Variants in GALNT8 observed in about 807,000 individuals in gnomAD.
The protein encoded by GALNT8 is polypeptide N-acetylgalactosaminyltransferase 8.
A neutral mutation model predicts 62.7 loss-of-function variants in GALNT8; 66 were observed. That is an observed-to-expected ratio of 1.05 (90% CI 0.86 to 1.29). The LOEUF (loss-of-function observed/expected upper bound fraction) is 1.29, where lower values mean the gene tolerates loss of function less well. GALNT8 is among the 50% of genes most tolerant of loss of function. GALNT8 has a pLI of 0.00. For synonymous variants in GALNT8, 288 were observed against 294.3 expected (o/e 0.98, Z 0.22); for missense variants, 771 against 791.8 (o/e 0.97, Z 0.32).
Position 4,727,582 on chromosome 12 carries a change from G to A in GALNT8, c.509+753G>A, listed in dbSNP as rs74467363. 5.6e-3 allele frequency among the ~76,000 whole-genome samples: 846 copies of A among 152,198 alleles called. 6 individuals are homozygous for A. Among genetic ancestry groups the A allele is most frequent in the South Asian group, 0.021 (102 of 4,814 alleles). On this transcript the variant is annotated intron_variant, in intron 2 of 10. Coordinates refer to ENST00000252318, the MANE Select transcript of GALNT8 (RefSeq NM_017417.2). ...TTATCCCTATGGATTTGTCTGTTCC[G>A]GACCTTTTGTATTAATTGAATCAGG...
chr12:4,729,856 G>T (rs1165178345), intron 2 of GALNT8, among the ~76,000 whole-genome samples: 1 of 152,030 alleles, frequency 6.6e-6, no homozygotes, highest in Non-Finnish European at 1.5e-5. Flanking sequence ...CTGTGCAATG[G>T]TTCTATTTTT....
intron 6 of GALNT8, among the ~76,000 whole-genome samples, chr12:4,752,004 G>C (rs1946324200): frequency 6.6e-6 from 1 of 152,038 alleles, no homozygotes; most frequent in Admixed American, 6.6e-5. Context: ...ATTATATAGT[G>C]ACCTTCTTTG....
At chr12:4,758,900 T>TGA (rs1472340636) in intron 6 of GALNT8, among the ~76,000 whole-genome samples, 2 of 151,880 alleles carry the variant, frequency 1.3e-5, no homozygotes, top group Non-Finnish European at 2.9e-5. Flanking sequence ...CCTCAGCTCC[T>TGA]GAGTAGCTGG....
chr12:4,771,144 A>C (rs1301240707), intron 10 of GALNT8, among the ~76,000 whole-genome samples: 7 of 152,190 alleles, frequency 4.6e-5, no homozygotes. Context: ...GGGGGCTGAC[A>C]GACGAAGCAT....
At chr12:4,746,579 A>T (rs1946301038) in intron 6 of GALNT8, among the ~76,000 whole-genome samples, 1 of 152,104 alleles carries the variant, frequency 6.6e-6, no homozygotes, top group Non-Finnish European at 1.5e-5. Context: ...TGGAGCAGAC[A>T]ATTCTCTAGA....
intron 3 of GALNT8, among the ~76,000 whole-genome samples, chr12:4,744,030 A>G (rs558516277): frequency 9.2e-5 from 14 of 152,230 alleles, no homozygotes; most frequent in Non-Finnish European, 2.1e-4. Context: ...CAAAGAGATT[A>G]ATCTGTGCAT....
In GALNT8 at chr12:4,723,810, T is replaced by G. The variant is rs561535533; in HGVS notation, c.212-2722T>G. On this transcript the variant is annotated intron_variant, in intron 1 of 10. Coordinates refer to ENST00000252318, the MANE Select transcript of GALNT8 (RefSeq NM_017417.2). ...TAACTAAAAGCCTGTTTAATTACCCTTCATCCTGTTTGCTCATTGCCTCCA... is the reference window on the plus strand; with the variant it reads ...TAACTAAAAGCCTGTTTAATTACCCGTCATCCTGTTTGCTCATTGCCTCCA... Among the ~76,000 whole-genome samples the G allele has an allele frequency of 2.5e-4, 37 of 148,970 alleles. No individual in the cohort carries two copies. The South Asian group carries it at 7.7e-3, about 31-fold the overall frequency.
chr12:4,746,259 G>C lies in GALNT8; in HGVS notation c.1173+1G>C, dbSNP rs202085967. The C allele has an allele frequency of 5.2e-6, 8 of 1,527,040 alleles. No individual in the cohort carries two copies. The highest frequency in any genetic ancestry group is 1.1e-5 in the South Asian group (1 of 89,438). 94.6% of individuals were successfully genotyped at this position (1,527,040 alleles called of 1,614,324 possible). On this transcript the variant is annotated splice_donor_variant, in intron 6 of 10. Coordinates refer to ENST00000252318, the MANE Select transcript of GALNT8 (RefSeq NM_017417.2). LOFTEE classifies it high-confidence loss of function. Reference sequence around the variant, plus strand: ...AGAGAACGTGGAGCTTAGCCTGAGGGTGGGTACATTTCCCTTTTCTTTATG... The same window carrying C: ...AGAGAACGTGGAGCTTAGCCTGAGGCTGGGTACATTTCCCTTTTCTTTATG...
chr12:4,758,487 A>G (rs556676846), intron 6 of GALNT8, among the ~76,000 whole-genome samples: 8 of 152,308 alleles, frequency 5.3e-5, no homozygotes, highest in Middle Eastern at 3.4e-3. Flanking sequence ...ACTAGCTGGT[A>G]AACATGGGCA....
intron 10 of GALNT8, among the ~76,000 whole-genome samples, chr12:4,770,305 AG>A (rs1315681499): frequency 6.6e-6 from 1 of 151,290 alleles, no homozygotes. Context: ...GTGTCTCAAA[AG>A]AAAAAAAAAA....
chr12:4,739,654 TTTTTC>T, intron 3 of GALNT8, among the ~76,000 whole-genome samples: 1 of 151,362 alleles, frequency 6.6e-6, no homozygotes. Flanking sequence ...TCTTTTTTTT[TTTTTC>T]TTTTTCTTTT....
At chr12:4,725,371 G>C (rs12809178) in intron 1 of GALNT8, among the ~76,000 whole-genome samples, 19,660 of 151,960 alleles carry the variant, frequency 0.13, 1,475 homozygotes, top group Middle Eastern at 0.2. Flanking sequence ...TCCTCTGCCT[G>C]GGTCTATCAC....
chr12:4,760,387 A>T (rs74350887), intron 6 of GALNT8, among the ~76,000 whole-genome samples: 4 of 152,152 alleles, frequency 2.6e-5, no homozygotes, highest in African/African-American at 9.7e-5. Flanking sequence ...TCTTGGCAAA[A>T]TGGACCCTCC....
At chr12:4,757,508 C>T (rs959633058) in intron 6 of GALNT8, among the ~76,000 whole-genome samples, 1 of 152,128 alleles carries the variant, frequency 6.6e-6, no homozygotes, top group African/African-American at 2.4e-5. Context: ...GGGGCCAAGA[C>T]TTTTATTTGG....
At chr12:4,730,745 A>G (rs1432905392) in intron 2 of GALNT8, among the ~76,000 whole-genome samples, 1 of 152,124 alleles carries the variant, frequency 6.6e-6, no homozygotes, top group Admixed American at 6.5e-5. Context: ...TTCTATCTGT[A>G]AAAAAAGGTC....
At chr12:4,736,220 A>G (rs1946243958) in intron 2 of GALNT8, among the ~76,000 whole-genome samples, 1 of 152,182 alleles carries the variant, frequency 6.6e-6, no homozygotes, top group African/African-American at 2.4e-5. Flanking sequence ...CTGAAGCCCC[A>G]CCAGCACTAG....
At chr12:4,754,014 C>T (rs1247638439) in intron 6 of GALNT8, among the ~76,000 whole-genome samples, 1 of 152,186 alleles carries the variant, frequency 6.6e-6, no homozygotes, top group African/African-American at 2.4e-5. Context: ...TTGTTCTCTT[C>T]CCTTACGTCT....
chr12:4,739,146 A>G lies in GALNT8; in HGVS notation c.510-17A>G, dbSNP rs778204220. ...AATTAAAAAAAAATAATATGTTATA[A>G]AAATGGTCTCTTATAGATGTCTTCG... On this transcript the variant is annotated splice_polypyrimidine_tract_variant and intron_variant, in intron 2 of 10. Coordinates refer to ENST00000252318, the MANE Select transcript of GALNT8 (RefSeq NM_017417.2). 1.8e-5 allele frequency: 28 copies of G among 1,532,560 alleles called. No homozygotes were observed. Among genetic ancestry groups the G allele is most frequent in the Non-Finnish European group, 2.4e-5 (27 of 1,123,324 alleles). 94.9% of individuals were successfully genotyped at this position (1,532,560 alleles called of 1,614,324 possible). A position where few individuals can be genotyped will look rare whatever the true frequency, so the allele number is the denominator to read the frequency against.
intron 3 of GALNT8, among the ~76,000 whole-genome samples, chr12:4,742,719 G>A (rs1946277595): frequency 1.3e-5 from 2 of 152,058 alleles, no homozygotes; most frequent in African/African-American, 2.4e-5. Context: ...GGGAAGACTG[G>A]GAAACTGGGT....
Sources: gnomAD v4.1 joint callset for allele counts (sites outside exome capture counted in the v4.1 genomes callset) on GRCh38, gnomAD v4.1.1 for gene constraint, MANE v1.5 for transcripts, NCBI Gene and HGNC (gene_info 2026-07-23, HGNC 2026-07-21) for gene names.